SYK: variants seen among roughly 807,000 people sequenced by gnomAD.
SYK encodes the protein tyrosine-protein kinase SYK.
Under a neutral mutation model 77.8 loss-of-function variants are expected in SYK, and 16 were observed. That is an observed-to-expected ratio of 0.21 (90% CI 0.14 to 0.31). SYK has a LOEUF of 0.31. Among genes scored for constraint, SYK ranks in the 10% least tolerant of loss-of-function variants. SYK has a pLI of 1.00. For synonymous variants in SYK, 312 were observed against 308.7 expected (o/e 1.01, Z -0.11); for missense variants, 529 against 814.4 (o/e 0.65, Z 4.26).
intron 1 of SYK, among the ~76,000 whole-genome samples, chr9:90,837,106 ATTAG>A: frequency 6.6e-6 from 1 of 152,296 alleles, no homozygotes; most frequent in African/African-American, 2.4e-5. Flanking sequence ...ACAGTAGACT[ATTAG>A]TTAAGTTTTG....
Position 90,887,754 on chromosome 9 carries a change from G to A in SYK, c.1587G>A (p.Gln529=), listed in dbSNP as rs1308481480. 6.2e-7 allele frequency: 1 copy of A among 1,609,268 alleles called. No individual in the cohort carries two copies. The highest frequency in any genetic ancestry group is 8.5e-7 in the Non-Finnish European group (1 of 1,177,444). ...TCCCTCTGCTTTGCTTTTAGGCCCA[G>A]ACCCATGGAAAGTGGCCTGTCAAGT... The part of the protein sequence containing the change: ...LRADENYYKA[Q]THGKWPVKWY... Residue 529 remains glutamine, a synonymous_variant, in exon 12 of 14, where the codon CAG becomes CAA. Transcript: ENST00000375754.
chr9:90,884,476 C>CACATATGTGTATACAT lies in SYK; in HGVS notation c.1582-3272_1582-3271insCATATGTGTATACATA, dbSNP rs1828364418. On this transcript the variant is annotated intron_variant, in intron 11 of 13. Transcript: ENST00000375754. ...ACATACACATATGTGTGTACATATA[C>CACATATGTGTATACAT]ATACACACACATACACATATGTGTA... 6.1e-5 allele frequency among the ~76,000 whole-genome samples: 2 copies of CACATATGTGTATACAT among 32,606 alleles called. 1 individual carries two copies. Among genetic ancestry groups the CACATATGTGTATACAT allele is most frequent in the African/African-American group, 6.1e-4 (2 of 3,284 alleles). 21.4% of individuals were successfully genotyped at this position (32,606 alleles called of 152,430 possible). A position where few individuals can be genotyped will look rare whatever the true frequency, so the allele number is the denominator to read the frequency against.
chr9:90,840,490 G>A (rs973490034), intron 1 of SYK, among the ~76,000 whole-genome samples: 4 of 151,542 alleles, frequency 2.6e-5, no homozygotes, highest in African/African-American at 7.3e-5. Flanking sequence ...CGGCCAAGGC[G>A]GGCAGATCAT....
At chr9:90,821,732 T>C (rs1825526043) in intron 1 of SYK, among the ~76,000 whole-genome samples, 1 of 152,212 alleles carries the variant, frequency 6.6e-6, no homozygotes, top group South Asian at 2.1e-4. Context: ...AGTGTCTTTT[T>C]CCCCAGTCTA....
chr9:90,881,679 C>CAAAAAAA lies in SYK; in HGVS notation c.1581+2731_1581+2737dup, dbSNP rs10526591. 2.9e-4 allele frequency among the ~76,000 whole-genome samples: 26 copies of CAAAAAAA among 89,402 alleles called. 1 individual carries two copies. Among genetic ancestry groups the CAAAAAAA allele is most frequent in the African/African-American group, 1.2e-3 (22 of 18,276 alleles). The allele number at this position is 89,402 out of a possible 152,430, so 58.7% of individuals were successfully genotyped here. Reference sequence around the variant, plus strand: ...TGGCCAACAGAGCAAGACTCTGTCTCAAAAAAAAAAAGGAATAAAAAGTGA... The same window carrying CAAAAAAA: ...TGGCCAACAGAGCAAGACTCTGTCTCAAAAAAAAAAAAAAAAAAGGAATAAAAAGTGA... On this transcript the variant is annotated intron_variant, in intron 11 of 13. Coordinates refer to ENST00000375754, the MANE Select transcript of SYK (RefSeq NM_003177.7).
chr9:90,837,185 C>G (rs1826118163), intron 1 of SYK, among the ~76,000 whole-genome samples: 1 of 151,988 alleles, frequency 6.6e-6, no homozygotes, highest in Non-Finnish European at 1.5e-5. Flanking sequence ...CCACATTGTT[C>G]AAGGGTCAGT....
intron 1 of SYK, among the ~76,000 whole-genome samples, chr9:90,824,971 G>A (rs1323134528): frequency 2.6e-5 from 4 of 151,980 alleles, no homozygotes; most frequent in Non-Finnish European, 4.4e-5. Context: ...GAACTTCAAA[G>A]AATCCATAAA....
intron 4 of SYK, 133 bp downstream of exon 4, chr9:90,862,477 T>C: frequency 9.3e-7 from 1 of 1,074,500 alleles, no homozygotes; most frequent in Non-Finnish European, 1.3e-6. Context: ...CAGCAGTAGC[T>C]CTGGAGCTCA....
In SYK at chr9:90,836,084, C is replaced by G. The variant is rs143426734; in HGVS notation, c.-41-7774C>G. The stretch of plus-strand genomic sequence containing the variant: ...AGGGCAGATCACGAGGTCAGGAGAT[C>G]GAGATCATCCTGGCTAACAAGGTGA... On this transcript the variant is annotated intron_variant, in intron 1 of 13. Transcript: ENST00000375754. 6.5e-4 allele frequency among the ~76,000 whole-genome samples: 99 copies of G among 152,028 alleles called. No individual in the cohort carries two copies. In the East Asian group the frequency reaches 0.018, roughly 27 times the overall value.
chr9:90,877,834 C>T, intron 10 of SYK, 54 bp downstream of exon 10: 2 of 1,598,670 alleles, frequency 1.3e-6, no homozygotes, highest in Non-Finnish European at 8.6e-7. Context: ...GGACAGGGCC[C>T]ACCCCTGGAT....
intron 1 of SYK, among the ~76,000 whole-genome samples, chr9:90,821,660 A>T (rs548314208): frequency 2.0e-5 from 3 of 152,300 alleles, no homozygotes; most frequent in African/African-American, 7.2e-5. Flanking sequence ...AGTGGCACAA[A>T]ATTTTAGCCA....
intron 13 of SYK, 111 bp downstream of exon 13, chr9:90,888,738 C>T: frequency 6.0e-6 from 5 of 836,662 alleles, no homozygotes; most frequent in East Asian, 3.0e-5. Context: ...CAGGAATGTG[C>T]CCGCTTTCTA....
chr9:90,876,505 AAT>A (rs1827940422), intron 9 of SYK, among the ~76,000 whole-genome samples: 2 of 152,200 alleles, frequency 1.3e-5, no homozygotes, highest in African/African-American at 4.8e-5. Flanking sequence ...CTTATTTTAA[AAT>A]ATATGTTTGT....
At chr9:90,885,468 AC>A (rs1458060724) in intron 11 of SYK, among the ~76,000 whole-genome samples, 1 of 152,188 alleles carries the variant, frequency 6.6e-6, no homozygotes, top group Non-Finnish European at 1.5e-5. Flanking sequence ...TTTTGAAACA[AC>A]CTATTCAGAC....
chr9:90,819,551 C>T (rs977723760), intron 1 of SYK, among the ~76,000 whole-genome samples: 1 of 152,122 alleles, frequency 6.6e-6, no homozygotes, highest in African/African-American at 2.4e-5. Context: ...AGAGGAAACC[C>T]CTGATAAATC....
chr9:90,895,690 T>C lies in SYK; in HGVS notation c.*90T>C. The C allele has an allele frequency of 7.9e-7, 1 of 1,267,750 alleles. No homozygotes were observed. The highest frequency in any genetic ancestry group is 2.3e-5 in the East Asian group (1 of 42,780). The allele number at this position is 1,267,750 out of a possible 1,614,324, so 78.5% of individuals were successfully genotyped here. A position where few individuals can be genotyped will look rare whatever the true frequency, so the allele number is the denominator to read the frequency against. On this transcript the variant is annotated 3_prime_UTR_variant, in exon 14 of 14. Transcript: ENST00000375754. This position sits in a 1 kb window ranked among gnomAD's most constrained non-coding sequence, Gnocchi z 4.4. ...AGGAATTGATTGTCAGCCACCTCCCTCTGCCAGTCGGGAGAGCCAGGCTTG... is the reference window on the plus strand; with the variant it reads ...AGGAATTGATTGTCAGCCACCTCCCCCTGCCAGTCGGGAGAGCCAGGCTTG...
intron 10 of SYK, 30 bp from the exon 11 acceptor site, chr9:90,878,734 T>G: frequency 1.3e-6 from 2 of 1,582,832 alleles, no homozygotes; most frequent in South Asian, 2.2e-5. Context: ...CACTGTCTGT[T>G]ATAGCTGATG....
chr9:90,890,941 A>G (rs1443172694), intron 13 of SYK, among the ~76,000 whole-genome samples: 1 of 152,134 alleles, frequency 6.6e-6, no homozygotes. Flanking sequence ...TCCTGCAGAG[A>G]GACAAGGGCT....
At position 90,888,616 on chromosome 9, in the gene SYK, C is replaced by G; in HGVS notation, c.1824C>G (p.Cys608Trp). 1 of 1,602,788 alleles carries G rather than the reference C, an allele frequency of 6.2e-7. No individual in the cohort carries two copies. Among genetic ancestry groups the G allele is most frequent in the Non-Finnish European group, 8.5e-7 (1 of 1,174,838 alleles). The change falls in exon 13 of 14, where the codon TGC (cysteine) becomes TGG (tryptophan). Residue 608 changes from cysteine to tryptophan, a missense_variant. Around this residue, in one of 2 missense-constraint regions of SYK, gnomAD observed 208 missense variants for 381.3 expected, o/e 0.55. Coordinates refer to ENST00000375754, the MANE Select transcript of SYK (RefSeq NM_003177.7). ...AGATGTACGATCTCATGAATCTGTG[C>G]TGGACATACGAGTGAGTACCTGACA... is the stretch of plus-strand genomic sequence containing the variant. ...PREMYDLMNL[C>W]WTYDVENRPG...
Sources: gnomAD v4.1 joint callset for allele counts (sites outside exome capture counted in the v4.1 genomes callset) on GRCh38, gnomAD v4.1.1 for gene constraint, gnomAD v4.1.1 regional missense constraint, Gnocchi (gnomAD v3.1) non-coding constraint, MANE v1.5 for transcripts, NCBI Gene and HGNC (gene_info 2026-07-23, HGNC 2026-07-21) for gene names.